The following PLCB4 variants were observed in gnomAD, a reference collection of about 807,000 sequenced individuals.
The protein encoded by PLCB4 is phospholipase C beta 4.
Under a neutral mutation model 178.8 loss-of-function variants are expected in PLCB4, and 77 were observed. That is an observed-to-expected ratio of 0.43 (90% CI 0.36 to 0.52). The LOEUF (loss-of-function observed/expected upper bound fraction) is 0.52. Among genes scored for constraint, PLCB4 ranks in the 20% least tolerant of loss-of-function variants. PLCB4 has a pLI of 0.00. For missense variants in PLCB4, 1,024 were observed against 1,453.4 expected (o/e 0.70, Z 4.80); for synonymous variants, 496 against 490.8 (o/e 1.01, Z -0.14).
intron 3 of PLCB4, among the ~76,000 whole-genome samples, chr20:9,237,800 C>T (rs6086816): frequency 2.0e-5 from 3 of 152,152 alleles, no homozygotes; most frequent in African/African-American, 7.2e-5. Context: ...CCAGAGTATC[C>T]TGATATAGAT....
In PLCB4 at chr20:9,457,466, C is replaced by A; in HGVS notation, c.3049C>A (p.Leu1017Met). 2 of 1,539,068 alleles carry A rather than the reference C, an allele frequency of 1.3e-6. No homozygotes were observed. The highest frequency in any genetic ancestry group is 1.8e-6 in the Non-Finnish European group (2 of 1,111,726). Reference sequence around the variant, plus strand: ...AGAAACAGAAATCAAAATTCAGACGCTGACATCAGATCACAAATCTAAGGT... The same window carrying A: ...AGAAACAGAAATCAAAATTCAGACGATGACATCAGATCACAAATCTAAGGT... The part of the protein sequence containing the change: ...KKETEIKIQT[L>M]TSDHKSKVKE... The change falls in exon 34 of 40, where the codon CTG becomes ATG. Residue 1017 changes from leucine to methionine, a missense_variant. Coordinates refer to ENST00000378473, the MANE Select transcript of PLCB4 (RefSeq NM_001377142.1).
At chr20:9,131,886 C>T (rs1274198034) in intron 2 of PLCB4, among the ~76,000 whole-genome samples, 1 of 152,206 alleles carries the variant, frequency 6.6e-6, no homozygotes, top group African/African-American at 2.4e-5. Context: ...GGAAGCCAAC[C>T]TTGATGCTAC....
chr20:9,403,517 C>G (rs2039202670), intron 20 of PLCB4, among the ~76,000 whole-genome samples: 1 of 152,128 alleles, frequency 6.6e-6, no homozygotes, highest in Non-Finnish European at 1.5e-5. Context: ...AAAAACAATT[C>G]CCAAATTGGG....
At chr20:9,346,672 A>G (rs935622668) in intron 7 of PLCB4, among the ~76,000 whole-genome samples, 3 of 152,210 alleles carry the variant, frequency 2.0e-5, no homozygotes, top group African/African-American at 7.2e-5. Context: ...AAACAAATCA[A>G]TGAGGGGGGG....
At chr20:9,209,826 T>A (rs189569844) in intron 2 of PLCB4, among the ~76,000 whole-genome samples, 25 of 151,112 alleles carry the variant, frequency 1.7e-4, no homozygotes, top group African/African-American at 6.1e-4. Context: ...TAGCCGGGCG[T>A]GGTGGCGGGC....
At chr20:9,392,571 A>G (rs192341468) in intron 17 of PLCB4, among the ~76,000 whole-genome samples, 2 of 152,314 alleles carry the variant, frequency 1.3e-5, no homozygotes, top group Admixed American at 1.3e-4. Context: ...CTTTGAATAC[A>G]GGACAGGTGT....
chr20:9,309,150 A>C (rs2094802774), intron 4 of PLCB4, among the ~76,000 whole-genome samples: 1 of 152,176 alleles, frequency 6.6e-6, no homozygotes, highest in South Asian at 2.1e-4. Context: ...AATGAAATAC[A>C]AGGCCTTCTA....
intron 3 of PLCB4, among the ~76,000 whole-genome samples, chr20:9,279,019 G>C (rs2147674992): frequency 6.6e-6 from 1 of 152,062 alleles, no homozygotes; most frequent in African/African-American, 2.4e-5. Context: ...TTCCTTTCTT[G>C]GATGGTTACA....
intron 9 of PLCB4, among the ~76,000 whole-genome samples, chr20:9,369,822 G>A (rs1048353699): frequency 6.6e-5 from 10 of 152,158 alleles, no homozygotes; most frequent in African/African-American, 1.2e-4. Context: ...CACGGATGGC[G>A]GAAAGTACAA....
chr20:9,103,532 A>G (rs540992707), intron 2 of PLCB4, among the ~76,000 whole-genome samples: 38 of 152,320 alleles, frequency 2.5e-4, no homozygotes, highest in African/African-American at 8.4e-4. Flanking sequence ...GATATTGAAC[A>G]TGATGAAGGC....
At chr20:9,225,282 A>G (rs2093849291) in intron 3 of PLCB4, among the ~76,000 whole-genome samples, 1 of 152,214 alleles carries the variant, frequency 6.6e-6, no homozygotes, top group Non-Finnish European at 1.5e-5. Flanking sequence ...AGCATTAACC[A>G]TAAATTATAG....
intron 2 of PLCB4, among the ~76,000 whole-genome samples, chr20:9,143,033 C>T (rs2146882212): frequency 6.6e-6 from 1 of 152,308 alleles, no homozygotes; most frequent in African/African-American, 2.4e-5. Flanking sequence ...CGTTCTCCCT[C>T]TGCCTGGAAA....
chr20:9,239,928 G>C (rs1422244140), intron 3 of PLCB4, among the ~76,000 whole-genome samples: 2 of 152,158 alleles, frequency 1.3e-5, no homozygotes, highest in Non-Finnish European at 2.9e-5. Context: ...AAAGATGAAG[G>C]CTGGAAGACT....
chr20:9,189,946 A>T (rs900712953), intron 2 of PLCB4, among the ~76,000 whole-genome samples: 4 of 152,138 alleles, frequency 2.6e-5, no homozygotes, highest in African/African-American at 9.7e-5. Context: ...ACAAACTTTT[A>T]AACCATAGAG....
At position 9,423,769 on chromosome 20, in the gene PLCB4, G is replaced by T. The variant is rs1763063192; in HGVS notation, c.2341G>T (p.Val781Phe). Residue 781 changes from valine to phenylalanine, a missense_variant, in exon 28 of 40, where the codon GTC becomes TTC. Val to Phe is a conservative substitution (Grantham distance 50). Around this residue, in one of 7 missense-constraint regions of PLCB4, gnomAD observed 227 missense variants for 374.3 expected, o/e 0.61. Coordinates refer to ENST00000378473, the MANE Select transcript of PLCB4 (RefSeq NM_001377142.1). ...GCAGGTGATCCTGCCGGACCTGGCTGTCTTGAGAATAGCTGTGTATGATGA... is the reference window on the plus strand; with the variant it reads ...GCAGGTGATCCTGCCGGACCTGGCTTTCTTGAGAATAGCTGTGTATGATGA... ...FRKVILPDLA[V>F]LRIAVYDDNN... is the part of the protein sequence containing the mutation. The T allele has an allele frequency of 1.2e-6, 2 of 1,613,856 alleles. No individual in the cohort carries two copies. Among genetic ancestry groups the T allele is most frequent in the Non-Finnish European group, 8.5e-7 (1 of 1,179,910 alleles).
At chr20:9,302,905 CT>C (rs2147841749) in intron 3 of PLCB4, among the ~76,000 whole-genome samples, 1 of 151,414 alleles carries the variant, frequency 6.6e-6, no homozygotes, top group African/African-American at 2.4e-5. Flanking sequence ...TCCAAAGCCT[CT>C]TACTGATTTA....
chr20:9,111,111 G>GTTA (rs143816591), intron 2 of PLCB4, among the ~76,000 whole-genome samples: 3,328 of 152,226 alleles, frequency 0.022, 110 homozygotes, highest in African/African-American at 0.074. Context: ...ATTGAACGAT[G>GTTA]TTAGACTTAG....
chr20:9,288,998 A>G (rs951784949), intron 3 of PLCB4, among the ~76,000 whole-genome samples: 2 of 152,060 alleles, frequency 1.3e-5, no homozygotes, highest in Admixed American at 6.6e-5. Context: ...TCTTCTCTGT[A>G]CAACTTCAGG....
At chr20:9,373,750 A>T (rs2036443379) in intron 12 of PLCB4, among the ~76,000 whole-genome samples, 1 of 151,160 alleles carries the variant, frequency 6.6e-6, no homozygotes, top group South Asian at 2.1e-4. Flanking sequence ...ACTGATAGAT[A>T]GAATTGCTTA....
Sources: allele counts gnomAD v4.1 joint callset (sites outside exome capture counted in the v4.1 genomes callset), GRCh38; gene constraint gnomAD v4.1.1; regional missense constraint gnomAD v4.1.1; transcripts MANE v1.5; gene names NCBI Gene and HGNC (gene_info 2026-07-23, HGNC 2026-07-21).